Variants in LMO1 observed in about 807,000 individuals in gnomAD.
The protein encoded by LMO1 is LIM domain only 1.
LMO1 carries 10 observed loss-of-function variants against 18.0 expected under a neutral mutation model. That is an observed-to-expected ratio of 0.55 (90% CI 0.34 to 0.94). LMO1 has a LOEUF of 0.94. Ranked by LOEUF, LMO1 falls within the 40% of genes least tolerant of loss-of-function variation. The pLI, the probability that LMO1 is intolerant of heterozygous loss-of-function variation, is 0.02. For synonymous variants in LMO1, 77 were observed against 77.9 expected, an observed-to-expected ratio of 0.99 and a Z score of 0.06; for missense variants, 183 against 205.7, an observed-to-expected ratio of 0.89 and a Z score of 0.68.
chr11:8,224,807 T>G, intron 3 of LMO1, 86 bp from the exon 4 acceptor site: 1 of 830,722 alleles, frequency 1.2e-6, no homozygotes, highest in Non-Finnish European at 2.0e-6. Flanking sequence ...GCCTGGCCTA[T>G]GAGGTGAGCT....
At chr11:8,228,691 T>C (rs1036899381) in intron 2 of LMO1, among the ~76,000 whole-genome samples, 3 of 151,646 alleles carry the variant, frequency 2.0e-5, no homozygotes, top group African/African-American at 7.3e-5. Context: ...CCCTAGTAGC[T>C]GGCAGGGCCC....
At chr11:8,237,588 G>A (rs573765703) in intron 1 of LMO1, among the ~76,000 whole-genome samples, 4 of 152,330 alleles carry the variant, frequency 2.6e-5, no homozygotes, top group East Asian at 1.9e-4. Context: ...CCCAGAGCAC[G>A]CTCATTACCG....
chr11:8,233,890 T>C (rs991066653), intron 1 of LMO1, among the ~76,000 whole-genome samples: 1 of 152,210 alleles, frequency 6.6e-6, no homozygotes, highest in Non-Finnish European at 1.5e-5. Context: ...GGTAATCCTT[T>C]TAATGTACTC....
intron 1 of LMO1, among the ~76,000 whole-genome samples, chr11:8,248,084 C>T (rs1486118119): frequency 6.6e-6 from 1 of 152,248 alleles, no homozygotes; most frequent in African/African-American, 2.4e-5. Context: ...CAATAACACA[C>T]AGCAGTGGGT....
At chr11:8,235,861 G>A (rs1952752530) in intron 1 of LMO1, among the ~76,000 whole-genome samples, 1 of 152,136 alleles carries the variant, frequency 6.6e-6, no homozygotes, top group Non-Finnish European at 1.5e-5. Context: ...AAGGACTAAG[G>A]GCCACAGCAA....
At position 8,263,450 on chromosome 11, in the gene LMO1, C is replaced by T. The variant is rs1406438406; in HGVS notation, c.-88G>A. 2 of 1,562,504 alleles carry T rather than the reference C, an allele frequency of 1.3e-6. No homozygotes were observed. Among genetic ancestry groups the T allele is most frequent in the Non-Finnish European group, 1.7e-6 (2 of 1,162,428 alleles). On this transcript the variant is annotated 5_prime_UTR_variant, in exon 1 of 4. Coordinates refer to ENST00000335790, the MANE Select transcript of LMO1 (RefSeq NM_002315.3). Reference sequence around the variant, plus strand: ...GCGCTTTGGAGGGGCGGCCGGTCTTCGGGCAGCTAGCGGGCTCTAATTACC... The same window carrying T: ...GCGCTTTGGAGGGGCGGCCGGTCTTTGGGCAGCTAGCGGGCTCTAATTACC...
At chr11:8,226,466 T>C (rs1952543901) in intron 3 of LMO1, among the ~76,000 whole-genome samples, 1 of 152,072 alleles carries the variant, frequency 6.6e-6, no homozygotes, top group African/African-American at 2.4e-5. Flanking sequence ...TGAGCCAAGA[T>C]TGTGAGATCA....
intron 1 of LMO1, among the ~76,000 whole-genome samples, chr11:8,249,785 A>G (rs1846957271): frequency 6.6e-6 from 1 of 152,182 alleles, no homozygotes; most frequent in Non-Finnish European, 1.5e-5. Context: ...TCTGAGACAA[A>G]GGAATCCTTA....
upstream of LMO1, chr11:8,268,586 G>T: frequency 1.7e-6 from 1 of 571,820 alleles, no homozygotes; most frequent in Non-Finnish European, 2.5e-6. Flanking sequence ...CGCCGACGGG[G>T]GCAGACGGAC....
chr11:8,237,535 A>G (rs1952780567), intron 1 of LMO1, among the ~76,000 whole-genome samples: 2 of 152,248 alleles, frequency 1.3e-5, no homozygotes, highest in Non-Finnish European at 2.9e-5. Context: ...ATTTGGAATC[A>G]AAAGCCAACG....
rs190805089 is a variant in LMO1, at chr11:8,252,199, T to C, written c.25+11139A>G. ...TGCTGGGGTATCCCAGCCAAGTGTC[T>C]TTTCCTCTCTGGACACAACCTAGTC... On this transcript the variant is annotated intron_variant, in intron 1 of 3. Coordinates refer to ENST00000335790, the MANE Select transcript of LMO1 (RefSeq NM_002315.3). 9.2e-5 allele frequency among the ~76,000 whole-genome samples: 14 copies of C among 152,296 alleles called. No individual in the cohort carries two copies. The East Asian group carries it at 2.7e-3, about 30-fold the overall frequency.
chr11:8,232,956 G>T (rs12574271), intron 1 of LMO1, among the ~76,000 whole-genome samples: 29,019 of 152,116 alleles, frequency 0.19, 3,389 homozygotes, highest in Non-Finnish European at 0.26. Context: ...CTCCAGCACT[G>T]GTCGACAATC....
chr11:8,224,591 G>T lies in LMO1; in HGVS notation c.*25C>A. On this transcript the variant is annotated 3_prime_UTR_variant, in exon 4 of 4. Transcript: ENST00000335790. ...TGGGCAGGCGGGCAGATGGACAGACGGGCCTGGAGGCCAGGCGCCGGGCGT... is the reference window on the plus strand; with the variant it reads ...TGGGCAGGCGGGCAGATGGACAGACTGGCCTGGAGGCCAGGCGCCGGGCGT... 1 of 1,460,830 alleles carries T rather than the reference G, an allele frequency of 6.8e-7. No homozygotes were observed. The highest frequency in any genetic ancestry group is 9.4e-7 in the Non-Finnish European group (1 of 1,059,840). The allele number at this position is 1,460,830 out of a possible 1,614,324, so 90.5% of individuals were successfully genotyped here.
chr11:8,248,932 T>TCAGGGAAGC (rs1846941248), intron 1 of LMO1, among the ~76,000 whole-genome samples: 1 of 152,010 alleles, frequency 6.6e-6, no homozygotes, highest in Admixed American at 6.6e-5. Context: ...GAGGGGGAAG[T>TCAGGGAAGC]GAAGGGTCAG....
chr11:8,262,496 G>A (rs952300153), intron 1 of LMO1, among the ~76,000 whole-genome samples: 1 of 152,142 alleles, frequency 6.6e-6, no homozygotes, highest in Non-Finnish European at 1.5e-5. Context: ...TGCCAGTAAG[G>A]CTTTGGGGTC....
chr11:8,231,463 G>A (rs535513238), intron 1 of LMO1, among the ~76,000 whole-genome samples: 2 of 152,254 alleles, frequency 1.3e-5, no homozygotes, highest in Non-Finnish European at 2.9e-5. Context: ...CGTTGAGGAG[G>A]AGATGGGGAC....
At chr11:8,262,303 A>G (rs530137986) in intron 1 of LMO1, among the ~76,000 whole-genome samples, 5 of 152,220 alleles carry the variant, frequency 3.3e-5, no homozygotes, top group Admixed American at 2.6e-4. Flanking sequence ...ACCAACAGTC[A>G]CATACAAATG....
At chr11:8,226,849 C>T (rs966084255) in intron 3 of LMO1, 126 bp downstream of exon 3, 29 of 1,424,050 alleles carry the variant, frequency 2.0e-5, no homozygotes, top group African/African-American at 7.2e-5. Flanking sequence ...ATAACCTGCA[C>T]GCACCACCAC....
chr11:8,258,534 A>G (rs552237508), intron 1 of LMO1, among the ~76,000 whole-genome samples: 137 of 152,330 alleles, frequency 9.0e-4, no homozygotes, highest in African/African-American at 3.1e-3. Flanking sequence ...GTCAACTGCC[A>G]GTGCTCACTG....
Sources: gnomAD v4.1 joint callset for allele counts (sites outside exome capture counted in the v4.1 genomes callset) on GRCh38, gnomAD v4.1.1 for gene constraint, MANE v1.5 for transcripts, NCBI Gene and HGNC (gene_info 2026-07-23, HGNC 2026-07-21) for gene names.